Variants in ALG10B observed in about 807,000 individuals in gnomAD.
ALG10B encodes the protein ALG10 alpha-1,2-glucosyltransferase B.
A neutral mutation model predicts 38.7 loss-of-function variants in ALG10B; 27 were observed. The ratio of observed to expected loss-of-function variants is 0.70; its 90% CI spans 0.51 to 0.96. The LOEUF is 0.96. Ranked by LOEUF, ALG10B falls within the 40% of genes least tolerant of loss-of-function variation. The pLI is 0.00. For synonymous variants in ALG10B, 177 were observed against 193.3 expected, an observed-to-expected ratio of 0.92 and a Z score of 0.70; for missense variants, 522 against 542.7, an observed-to-expected ratio of 0.96 and a Z score of 0.38.
rs1489760949 is a variant in ALG10B, at chr12:38,323,967, A to C, written c.*2754A>C. ...CTGATCTAGTCTGGCAAAATTGAGG[A>C]AAATATTCTACCCTGTAATTAAAGA... On this transcript the variant is annotated 3_prime_UTR_variant, in exon 3 of 3. Coordinates refer to ENST00000308742, the MANE Select transcript of ALG10B (RefSeq NM_001013620.4). The C allele has an allele frequency of 4.3e-6, 3 of 700,772 alleles. No individual in the cohort carries two copies. The African/African-American group carries it at 5.3e-5, about 12-fold the overall frequency. 43.4% of individuals were successfully genotyped at this position (700,772 alleles called of 1,614,324 possible).
chr12:38,324,744 G>A lies in ALG10B; in HGVS notation c.*3531G>A, dbSNP rs1202873901. The A allele has an allele frequency of 6.6e-6, 1 of 152,062 alleles. No individual in the cohort carries two copies. Among genetic ancestry groups the A allele is most frequent in the African/African-American group, 2.4e-5 (1 of 41,406 alleles). The allele number at this position is 152,062 out of a possible 1,614,324, so 9.4% of individuals were successfully genotyped here. A position where few individuals can be genotyped will look rare whatever the true frequency, so the allele number is the denominator to read the frequency against. ...AAACAACTGAGAAGACCATTCTTAG[G>A]TGTTTAGATCCTTGCTTTTAGAAAC... On this transcript the variant is annotated 3_prime_UTR_variant, in exon 3 of 3. Transcript: ENST00000308742.
chr12:38,323,655 T>A lies in ALG10B; in HGVS notation c.*2442T>A, dbSNP rs527922977. On this transcript the variant is annotated 3_prime_UTR_variant, in exon 3 of 3. Coordinates refer to ENST00000308742, the MANE Select transcript of ALG10B (RefSeq NM_001013620.4). ...TTACAAGTATAATTTGAGTAATAAA[T>A]GCAGGCCATTTTTTGGTTGTACTCT... The A allele has an allele frequency of 9.0e-6, 4 of 444,258 alleles. No homozygotes were observed. The highest frequency in any genetic ancestry group is 6.0e-4 in the Middle Eastern group (1 of 1,668). 27.5% of individuals were successfully genotyped at this position (444,258 alleles called of 1,614,324 possible). A position where few individuals can be genotyped will look rare whatever the true frequency, so the allele number is the denominator to read the frequency against.
rs1945713523 is a variant in ALG10B at position 38,322,689 on chromosome 12, G to A, written c.*1476G>A. ...TTATTAGCTGTATTCACCATGTTGTGTAATAGATCTAAAAAAAGTCAAACA... is the reference window on the plus strand; with the variant it reads ...TTATTAGCTGTATTCACCATGTTGTATAATAGATCTAAAAAAAGTCAAACA... On this transcript the variant is annotated 3_prime_UTR_variant, in exon 3 of 3. Transcript: ENST00000308742. 1 of 152,120 alleles carries A rather than the reference G, an allele frequency of 6.6e-6. No homozygotes were observed. Among genetic ancestry groups the A allele is most frequent in the Admixed American group, 6.6e-5 (1 of 15,260 alleles). The allele number at this position is 152,120 out of a possible 1,614,324, so 9.4% of individuals were successfully genotyped here.
At position 38,318,099 on chromosome 12, in the gene ALG10B, G is replaced by T. The variant is rs1945671901; in HGVS notation, c.172-162G>T. 3.2e-6 allele frequency: 3 copies of T among 942,626 alleles called. No individual in the cohort carries two copies. The East Asian group carries it at 7.7e-5, about 24-fold the overall frequency. 58.4% of individuals were successfully genotyped at this position (942,626 alleles called of 1,614,324 possible). A position where few individuals can be genotyped will look rare whatever the true frequency, so the allele number is the denominator to read the frequency against. ...AAGCTGGTCCGGGGGCAAAAAATAA[G>T]AAAAACTAATCCTGTTCTGCCAAGG... On this transcript the variant is annotated intron_variant, in intron 1 of 2. Transcript: ENST00000308742.
chr12:38,317,079 C>G lies in ALG10B; in HGVS notation c.171+15C>G, dbSNP rs1209134186. On this transcript the variant is annotated intron_variant, in intron 1 of 2. Coordinates refer to ENST00000308742, the MANE Select transcript of ALG10B (RefSeq NM_001013620.4). ...CCCTTTCCCAGGTGGGGTGCCCAAC[C>G]TGTCCCCACCCCAGGAGAGGCCTGA... 6.2e-7 allele frequency: 1 copy of G among 1,613,990 alleles called. No homozygotes were observed. The highest frequency in any genetic ancestry group is 8.5e-7 in the Non-Finnish European group (1 of 1,180,034).
rs1350918769 is a variant in ALG10B at position 38,328,277 on chromosome 12, C to CA, written c.*7068dup. 1 of 152,022 alleles carries CA rather than the reference C, an allele frequency of 6.6e-6. No individual in the cohort carries two copies. Among genetic ancestry groups the CA allele is most frequent in the African/African-American group, 2.4e-5 (1 of 41,400 alleles). The allele number at this position is 152,022 out of a possible 1,614,324, so 9.4% of individuals were successfully genotyped here. On this transcript the variant is annotated 3_prime_UTR_variant, in exon 3 of 3. Coordinates refer to ENST00000308742, the MANE Select transcript of ALG10B (RefSeq NM_001013620.4). The stretch of plus-strand genomic sequence containing the variant: ...TTTGGTATATTTTAAGTTTCTAAAC[C>CA]AAAACTACTATTTGACTCTATTACA...
rs200428663 is a variant in ALG10B at position 38,320,937 on chromosome 12, G to C, written c.1146G>C (p.Trp382Cys). 5.6e-6 allele frequency: 9 copies of C among 1,613,754 alleles called. No homozygotes were observed. In the South Asian group the frequency reaches 8.8e-5, roughly 16 times the overall value. The change falls in exon 3 of 3, where the codon TGG becomes TGC. Residue 382 changes from tryptophan (W) to cysteine (C), a missense_variant. Trp to Cys is a radical substitution (Grantham distance 215). Transcript: ENST00000308742. The stretch of plus-strand genomic sequence containing the variant: ...TTCCAGCCTATATATTTGCTGGTTG[G>C]AGTATAGCTGACTCATTGAAATCAA... The part of the protein sequence containing the change: ...LLVPAYIFAG[W>C]SIADSLKSKP...
Position 38,317,012 on chromosome 12 carries a change from T to A in ALG10B, c.119T>A (p.Phe40Tyr). 6.2e-7 allele frequency: 1 copy of A among 1,614,142 alleles called. No individual in the cohort carries two copies. Among genetic ancestry groups the A allele is most frequent in the Non-Finnish European group, 8.5e-7 (1 of 1,180,022 alleles). ...CGAGAGCCCTACATGGACGAGATCTTCCACCTGCCTCAGGCGCAGCGCTAC... is the reference window on the plus strand; with the variant it reads ...CGAGAGCCCTACATGGACGAGATCTACCACCTGCCTCAGGCGCAGCGCTAC... ...ALREPYMDEI[F>Y]HLPQAQRYCE... Residue 40 changes from phenylalanine to tyrosine, a missense_variant, in exon 1 of 3, where the codon TTC (phenylalanine) becomes TAC (tyrosine). Physicochemically the swap from Phe to Tyr is conservative, Grantham distance 22. Coordinates refer to ENST00000308742, the MANE Select transcript of ALG10B (RefSeq NM_001013620.4).
At chr12:38,317,133 C>T (rs550478757) in intron 1 of ALG10B, 69 bp downstream of exon 1, 1 of 1,607,614 alleles carries the variant, frequency 6.2e-7, no homozygotes, top group South Asian at 1.1e-5. Context: ...GCTCCTTCTC[C>T]CATCTTTAGA....
chr12:38,317,484 G>A (rs1945665782), intron 1 of ALG10B: 3 of 188,052 alleles, frequency 1.6e-5, no homozygotes, highest in Middle Eastern at 2.5e-3. Context: ...AGGGATCTTC[G>A]GCTACCAAAA....
rs1003743564 is a variant in ALG10B, at chr12:38,326,790, T to A, written c.*5577T>A. On this transcript the variant is annotated 3_prime_UTR_variant, in exon 3 of 3. Transcript: ENST00000308742. ...GTAACTGAGAAAATTATAATAAAAA[T>A]AGAGATTGAGGACATATTTTTAACA... 2.0e-5 allele frequency: 3 copies of A among 151,712 alleles called. No individual in the cohort carries two copies. The highest frequency in any genetic ancestry group is 4.4e-5 in the Non-Finnish European group (3 of 67,906). The allele number at this position is 151,712 out of a possible 1,614,324, so 9.4% of individuals were successfully genotyped here. A position where few individuals can be genotyped will look rare whatever the true frequency, so the allele number is the denominator to read the frequency against.
At position 38,320,291 on chromosome 12, in the gene ALG10B, G is replaced by A. The variant is rs377095762; in HGVS notation, c.500G>A (p.Cys167Tyr). The A allele has an allele frequency of 1.2e-6, 2 of 1,613,856 alleles. No homozygotes were observed. Among genetic ancestry groups the A allele is most frequent in the South Asian group, 1.1e-5 (1 of 91,072 alleles). ...TTTACTCTTTTTGCATATTTGATGTGTCTTTATGGAAATCATAAAACTTCA... is the reference window on the plus strand; with the variant it reads ...TTTACTCTTTTTGCATATTTGATGTATCTTTATGGAAATCATAAAACTTCA... ...MFFTLFAYLM[C>Y]LYGNHKTSAF... is the part of the protein sequence containing the mutation. The change falls in exon 3 of 3, where the codon TGT becomes TAT. Residue 167 changes from cysteine to tyrosine, a missense_variant. Cys to Tyr is a radical substitution (Grantham distance 194). Transcript: ENST00000308742.
rs2120514153 is a variant in ALG10B, at chr12:38,325,563, G to C, written c.*4350G>C. On this transcript the variant is annotated 3_prime_UTR_variant, in exon 3 of 3. Transcript: ENST00000308742. ...AGGTTAGCAAGCGTTTATTATCTTT[G>C]AAGTAATTGGAATTTCATTAAAAAG... 1 of 152,268 alleles carries C rather than the reference G, an allele frequency of 6.6e-6. No homozygotes were observed. The highest frequency in any genetic ancestry group is 2.1e-4 in the South Asian group (1 of 4,832). 9.4% of individuals were successfully genotyped at this position (152,268 alleles called of 1,614,324 possible). A position where few individuals can be genotyped will look rare whatever the true frequency, so the allele number is the denominator to read the frequency against.
At position 38,317,028 on chromosome 12, in the gene ALG10B, G is replaced by T. The variant is rs148038148; in HGVS notation, c.135G>T (p.Ala45=). ...YMDEIFHLPQ[A]QRYCEGHFSL... is the part of the protein sequence containing the mutation. Reference sequence around the variant, plus strand: ...ACGAGATCTTCCACCTGCCTCAGGCGCAGCGCTACTGTGAGGGCCATTTCT... The same window carrying T: ...ACGAGATCTTCCACCTGCCTCAGGCTCAGCGCTACTGTGAGGGCCATTTCT... The change falls in exon 1 of 3, where the codon GCG becomes GCT. Residue 45 remains alanine (A), a synonymous_variant. Transcript: ENST00000308742. 6.2e-7 allele frequency: 1 copy of T among 1,614,144 alleles called. No individual in the cohort carries two copies. Among genetic ancestry groups the T allele is most frequent in the Non-Finnish European group, 8.5e-7 (1 of 1,180,024 alleles).
In ALG10B at chr12:38,328,742, AAT is replaced by A. The variant is rs1945767674; in HGVS notation, c.*7534_*7535del. 6.5e-6 allele frequency: 1 copy of A among 153,436 alleles called. No individual in the cohort carries two copies. Among genetic ancestry groups the A allele is most frequent in the African/African-American group, 2.4e-5 (1 of 41,522 alleles). 9.5% of individuals were successfully genotyped at this position (153,436 alleles called of 1,614,324 possible). A position where few individuals can be genotyped will look rare whatever the true frequency, so the allele number is the denominator to read the frequency against. On this transcript the variant is annotated 3_prime_UTR_variant, in exon 3 of 3. Coordinates refer to ENST00000308742, the MANE Select transcript of ALG10B (RefSeq NM_001013620.4). ...TTGTAATCATTAGACGATTTAACCT[AAT>A]ATATCTTCCCATATGATATGATCTT...
upstream of ALG10B, chr12:38,316,773 T>C: frequency 2.0e-6 from 3 of 1,538,074 alleles, no homozygotes; most frequent in South Asian, 1.1e-5. Flanking sequence ...CCTTCCGGTA[T>C]GTGGCCCCGT....
chr12:38,327,072 C>T lies in ALG10B; in HGVS notation c.*5859C>T, dbSNP rs924444179. 6 of 147,498 alleles carry T rather than the reference C, an allele frequency of 4.1e-5. No individual in the cohort carries two copies. Among genetic ancestry groups the T allele is most frequent in the East Asian group, 2.0e-4 (1 of 5,090 alleles). 9.1% of individuals were successfully genotyped at this position (147,498 alleles called of 1,614,324 possible). A position where few individuals can be genotyped will look rare whatever the true frequency, so the allele number is the denominator to read the frequency against. The stretch of plus-strand genomic sequence containing the variant: ...ACAAATATATACGTATTTATATATA[C>T]AAATTTGTATATATGTAATGTATGT... On this transcript the variant is annotated 3_prime_UTR_variant, in exon 3 of 3. Coordinates refer to ENST00000308742, the MANE Select transcript of ALG10B (RefSeq NM_001013620.4).
In ALG10B at chr12:38,326,915, T is replaced by C. The variant is rs1945749299; in HGVS notation, c.*5702T>C. 1 of 151,536 alleles carries C rather than the reference T, an allele frequency of 6.6e-6. No individual in the cohort carries two copies. 9.4% of individuals were successfully genotyped at this position (151,536 alleles called of 1,614,324 possible). On this transcript the variant is annotated 3_prime_UTR_variant, in exon 3 of 3. Transcript: ENST00000308742. ...CAATATAATATCTCTATATTGTGCT[T>C]TTTTAAGAGATAAATTTTTGATGAA...
Position 38,320,546 on chromosome 12 carries a change from G to C in ALG10B, c.755G>C (p.Cys252Ser), listed in dbSNP as rs373754000. Reference protein sequence around the residue: ...MSFKNLSMLFCLTWPYILLGF... With the variant: ...MSFKNLSMLFSLTWPYILLGF... ...TTTAAAAACTTGAGTATGCTTTTCT[G>C]TTTGACTTGGCCCTACATCCTTCTG... The change falls in exon 3 of 3, where the codon TGT (cysteine) becomes TCT (serine). Residue 252 changes from cysteine to serine, a missense_variant. Physicochemically the swap from Cys to Ser is moderately radical, Grantham distance 112. Coordinates refer to ENST00000308742, the MANE Select transcript of ALG10B (RefSeq NM_001013620.4). 6.2e-7 allele frequency: 1 copy of C among 1,614,062 alleles called. No individual in the cohort carries two copies. The highest frequency in any genetic ancestry group is 8.5e-7 in the Non-Finnish European group (1 of 1,179,984).
Sources: gnomAD v4.1 joint callset for allele counts on GRCh38, gnomAD v4.1.1 for gene constraint, MANE v1.5 for transcripts, NCBI Gene and HGNC (gene_info 2026-07-23, HGNC 2026-07-21) for gene names.